Variants in SSBP2 observed in about 807,000 individuals in gnomAD.
SSBP2 encodes the protein single stranded DNA binding protein 2, also known as single-stranded DNA-binding protein 2.
In SSBP2, 17 loss-of-function variants were observed where a neutral mutation model predicts 61.8. The observed-to-expected ratio is 0.28, with a 90% CI of 0.19 to 0.41. The LOEUF (loss-of-function observed/expected upper bound fraction) is 0.41, where lower values mean the gene tolerates loss of function less well. Ranked by LOEUF, SSBP2 falls within the 10% of genes least tolerant of loss-of-function variation. The pLI, the probability that SSBP2 is intolerant of heterozygous loss-of-function variation, is 1.00. For synonymous variants in SSBP2, 139 were observed against 141.3 expected, an observed-to-expected ratio of 0.98 and a Z score of 0.12; for missense variants, 310 against 458.7, an observed-to-expected ratio of 0.68 and a Z score of 2.96.
chr5:81,535,644 A>T (rs1230056247), intron 4 of SSBP2, among the ~76,000 whole-genome samples: 1 of 152,110 alleles, frequency 6.6e-6, no homozygotes, highest in Non-Finnish European at 1.5e-5. Context: ...GAGCAAAGGT[A>T]CTAGAATGGA....
chr5:81,565,778 T>G (rs978631497), intron 4 of SSBP2, among the ~76,000 whole-genome samples: 2 of 152,158 alleles, frequency 1.3e-5, no homozygotes, highest in African/African-American at 4.8e-5. Flanking sequence ...GAAATACACA[T>G]TTCATTGGAA....
At chr5:81,509,617 G>A (rs1768441197) in intron 5 of SSBP2, among the ~76,000 whole-genome samples, 1 of 152,042 alleles carries the variant, frequency 6.6e-6, no homozygotes, top group Admixed American at 6.6e-5. Context: ...GGTACTTTGA[G>A]TTTTTTAATA....
intron 1 of SSBP2, chr5:81,750,614 G>T (rs1462403251): frequency 7.1e-6 from 1 of 139,910 alleles, no homozygotes; most frequent in East Asian, 2.6e-4. Context: ...CGCCACCCCC[G>T]GCGGCTCCCC....
At chr5:81,511,676 GCT>G (rs1768619781) in intron 5 of SSBP2, among the ~76,000 whole-genome samples, 2 of 152,004 alleles carry the variant, frequency 1.3e-5, no homozygotes, top group Admixed American at 1.3e-4. Context: ...AGATTTAATG[GCT>G]CTCTCATCCA....
In SSBP2 at chr5:81,490,284, AT is replaced by A. The variant is rs1244996318; in HGVS notation, c.373-976del. ...TGTTTAGGTAAGGTAAAAAGAGACT[AT>A]TTTTGATCATCCAGACTTAGGCACC... On this transcript the variant is annotated intron_variant, in intron 5 of 16. Transcript: ENST00000320672. Among the ~76,000 whole-genome samples, 7 of 152,194 alleles carry A rather than the reference AT, an allele frequency of 4.6e-5. No individual in the cohort carries two copies. In the South Asian group the frequency reaches 8.3e-4, roughly 18 times the overall value.
chr5:81,716,031 T>C (rs1755144285), intron 1 of SSBP2, among the ~76,000 whole-genome samples: 1 of 151,492 alleles, frequency 6.6e-6, no homozygotes, highest in Admixed American at 6.6e-5. Flanking sequence ...CACTTCAGCC[T>C]GGGTGACAGA....
Position 81,743,828 on chromosome 5 carries a change from G to A in SSBP2, c.62+7153C>T, listed in dbSNP as rs541744519. Among the ~76,000 whole-genome samples the A allele has an allele frequency of 1.7e-4, 26 of 152,260 alleles. No individual in the cohort carries two copies. In the East Asian group the frequency reaches 4.4e-3, roughly 26 times the overall value. The stretch of plus-strand genomic sequence containing the variant: ...TGTAAGGGAGTGATGCTGGGAACCC[G>A]AGGCAGCCATGCTACATTCATGAGA... On this transcript the variant is annotated intron_variant, in intron 1 of 16. Coordinates refer to ENST00000320672, the MANE Select transcript of SSBP2 (RefSeq NM_012446.5).
intron 15 of SSBP2, among the ~76,000 whole-genome samples, chr5:81,433,569 G>A (rs559434372): frequency 5.9e-5 from 8 of 135,096 alleles, no homozygotes; most frequent in South Asian, 2.2e-4. Context: ...CCCCCTCCGC[G>A]AGAAACACCC....
At chr5:81,722,519 A>C (rs2153973017) in intron 1 of SSBP2, among the ~76,000 whole-genome samples, 1 of 152,004 alleles carries the variant, frequency 6.6e-6, no homozygotes, top group East Asian at 1.9e-4. Context: ...CTTTTACAAG[A>C]ATGGCATGCC....
intron 11 of SSBP2, among the ~76,000 whole-genome samples, chr5:81,447,325 A>G (rs1454062589): frequency 6.6e-6 from 1 of 152,212 alleles, no homozygotes; most frequent in Non-Finnish European, 1.5e-5. Context: ...ATATCTGCTT[A>G]TTGATTCATA....
At chr5:81,482,599 T>C (rs1766075582) in intron 6 of SSBP2, among the ~76,000 whole-genome samples, 1 of 152,214 alleles carries the variant, frequency 6.6e-6, no homozygotes, top group Admixed American at 6.5e-5. Flanking sequence ...CTTCTGCAAC[T>C]TCCTCAGCTC....
intron 14 of SSBP2, among the ~76,000 whole-genome samples, chr5:81,438,032 A>G (rs1343263968): frequency 6.6e-6 from 1 of 152,192 alleles, no homozygotes; most frequent in Non-Finnish European, 1.5e-5. Context: ...GAAATAAACA[A>G]TCAATATGAA....
At chr5:81,462,408 C>A (rs1370645394) in intron 9 of SSBP2, among the ~76,000 whole-genome samples, 1 of 152,154 alleles carries the variant, frequency 6.6e-6, no homozygotes, top group Non-Finnish European at 1.5e-5. Flanking sequence ...GAGGTGTGAG[C>A]AGCAGGGAAG....
At chr5:81,508,936 G>C (rs550136680) in intron 5 of SSBP2, among the ~76,000 whole-genome samples, 5 of 151,786 alleles carry the variant, frequency 3.3e-5, no homozygotes, top group Non-Finnish European at 5.9e-5. Context: ...ATTCTTTTTC[G>C]GTCTAGTCCA....
At chr5:81,696,945 G>A (rs1753645088) in intron 1 of SSBP2, among the ~76,000 whole-genome samples, 2 of 152,132 alleles carry the variant, frequency 1.3e-5, no homozygotes, top group Admixed American at 1.3e-4. Flanking sequence ...TGGAGGTTGG[G>A]CACAGGGAGA....
intron 4 of SSBP2, among the ~76,000 whole-genome samples, chr5:81,585,020 C>G (rs755508376): frequency 2.0e-5 from 3 of 151,986 alleles, no homozygotes; most frequent in Non-Finnish European, 4.4e-5. Flanking sequence ...TTCATATAAA[C>G]TATTACATAA....
chr5:81,462,281 G>C (rs1402050314), intron 9 of SSBP2, among the ~76,000 whole-genome samples: 1 of 152,234 alleles, frequency 6.6e-6, no homozygotes, highest in Non-Finnish European at 1.5e-5. Flanking sequence ...ACAGGCCACA[G>C]GTTGGACAAG....
intron 12 of SSBP2, among the ~76,000 whole-genome samples, chr5:81,446,245 C>A (rs1260208446): frequency 6.6e-6 from 1 of 150,508 alleles, no homozygotes; most frequent in East Asian, 1.9e-4. Flanking sequence ...CTGTTAACAA[C>A]CCCAAGACAC....
intron 4 of SSBP2, among the ~76,000 whole-genome samples, chr5:81,535,037 C>A (rs1336540426): frequency 2.0e-5 from 3 of 151,830 alleles, no homozygotes; most frequent in Non-Finnish European, 4.4e-5. Context: ...AGAAACCATG[C>A]AATCAAGAAG....
Sources: gnomAD v4.1 joint callset for allele counts (sites outside exome capture counted in the v4.1 genomes callset) on GRCh38, gnomAD v4.1.1 for gene constraint, MANE v1.5 for transcripts, NCBI Gene and HGNC (gene_info 2026-07-23, HGNC 2026-07-21) for gene names.